Variants in GRM7 observed in about 807,000 individuals in gnomAD.
GRM7 encodes metabotropic glutamate receptor 7.
In GRM7, 35 loss-of-function variants were observed where a neutral mutation model predicts 84.5. That is an observed-to-expected ratio of 0.41 (90% CI 0.32 to 0.55). GRM7 has a LOEUF of 0.55. Among genes scored for constraint, GRM7 ranks in the 20% least tolerant of loss-of-function variants. GRM7 has a pLI of 0.19. For synonymous variants in GRM7, 487 were observed against 455.1 expected, an observed-to-expected ratio of 1.07 and a Z score of -0.89; for missense variants, 1,003 against 1,194.6, an observed-to-expected ratio of 0.84 and a Z score of 2.36.
At chr3:6,923,505 C>A (rs1179609742) in intron 1 of GRM7, among the ~76,000 whole-genome samples, 1 of 152,176 alleles carries the variant, frequency 6.6e-6, no homozygotes, top group African/African-American at 2.4e-5. Context: ...ATTGGATTAA[C>A]ATAGCAAATG....
intron 1 of GRM7, among the ~76,000 whole-genome samples, chr3:6,904,111 T>C (rs1195343134): frequency 6.6e-6 from 1 of 152,180 alleles, no homozygotes; most frequent in East Asian, 1.9e-4. Context: ...AATCTATAAT[T>C]TTAATGTAGC....
chr3:7,443,058 C>T (rs1697358123), intron 5 of GRM7, among the ~76,000 whole-genome samples: 1 of 150,982 alleles, frequency 6.6e-6, no homozygotes, highest in African/African-American at 2.4e-5. Flanking sequence ...TCTTTTTATT[C>T]TACTTCCTTC....
At chr3:7,667,765 T>C (rs1699759981) in intron 8 of GRM7, among the ~76,000 whole-genome samples, 1 of 151,946 alleles carries the variant, frequency 6.6e-6, no homozygotes, top group East Asian at 1.9e-4. Flanking sequence ...TAAAAATATT[T>C]ATTGATAATT....
intron 7 of GRM7, among the ~76,000 whole-genome samples, chr3:7,517,600 G>A (rs2124985895): frequency 6.6e-6 from 1 of 152,194 alleles, no homozygotes; most frequent in East Asian, 1.9e-4. Flanking sequence ...CACCATGTTG[G>A]CCAGGTTGGT....
At chr3:7,069,059 T>TATA (rs1697769988) in intron 1 of GRM7, among the ~76,000 whole-genome samples, 1 of 149,236 alleles carries the variant, frequency 6.7e-6, no homozygotes, top group Non-Finnish European at 1.5e-5. Context: ...ATACATAATT[T>TATA]TATATATATA....
At chr3:7,460,916 C>A (rs1698221309) in intron 6 of GRM7, among the ~76,000 whole-genome samples, 1 of 152,150 alleles carries the variant, frequency 6.6e-6, no homozygotes, top group Admixed American at 6.5e-5. Flanking sequence ...AAGTCTAATT[C>A]TGCCAGAATA....
intron 5 of GRM7, among the ~76,000 whole-genome samples, chr3:7,434,337 A>C (rs941931080): frequency 1.3e-5 from 2 of 152,192 alleles, no homozygotes; most frequent in African/African-American, 4.8e-5. Context: ...TATTGAGTAG[A>C]AGTAATAATG....
intron 1 of GRM7, among the ~76,000 whole-genome samples, chr3:6,892,140 T>A (rs1345663304): frequency 6.6e-6 from 1 of 152,122 alleles, no homozygotes; most frequent in African/African-American, 2.4e-5. Flanking sequence ...TCGTCTAAAT[T>A]TTTTTCTCTT....
chr3:7,682,767 T>A (rs895894640), intron 9 of GRM7, among the ~76,000 whole-genome samples: 1 of 152,218 alleles, frequency 6.6e-6, no homozygotes, highest in African/African-American at 2.4e-5. Context: ...GAGGCTTTTT[T>A]GGGTATGACA....
chr3:7,540,420 C>A (rs1428414927), intron 7 of GRM7, among the ~76,000 whole-genome samples: 1 of 152,134 alleles, frequency 6.6e-6, no homozygotes, highest in African/African-American at 2.4e-5. Context: ...TCCAATAATG[C>A]ATGCTTCAGT....
intron 2 of GRM7, among the ~76,000 whole-genome samples, chr3:7,152,967 TG>T (rs1275417919): frequency 6.6e-6 from 1 of 152,052 alleles, no homozygotes; most frequent in African/African-American, 2.4e-5. Context: ...CAAAAAAGGC[TG>T]GGGCGATGGA....
intron 1 of GRM7, among the ~76,000 whole-genome samples, chr3:7,089,703 C>T (rs1004566754): frequency 6.6e-6 from 1 of 152,042 alleles, no homozygotes; most frequent in African/African-American, 2.4e-5. Flanking sequence ...TCTTTGACAA[C>T]CTTACATTTT....
At chr3:7,552,679 A>G (rs1693540924) in intron 7 of GRM7, among the ~76,000 whole-genome samples, 1 of 152,194 alleles carries the variant, frequency 6.6e-6, no homozygotes, top group African/African-American at 2.4e-5. Context: ...CAGCAGTGTG[A>G]GTTGTACATT....
intron 1 of GRM7, among the ~76,000 whole-genome samples, chr3:7,013,515 A>C (rs958490619): frequency 1.3e-5 from 2 of 152,214 alleles, no homozygotes; most frequent in African/African-American, 4.8e-5. Context: ...TTTTTTAATT[A>C]TTAAATTTTT....
chr3:7,429,514 T>A (rs776405143), intron 5 of GRM7, among the ~76,000 whole-genome samples: 32 of 152,212 alleles, frequency 2.1e-4, no homozygotes, highest in Non-Finnish European at 4.1e-4. Flanking sequence ...TATAGATTTA[T>A]CTTTTTTATG....
intron 2 of GRM7, among the ~76,000 whole-genome samples, chr3:7,192,928 G>A (rs922551263): frequency 2.4e-4 from 37 of 152,084 alleles, no homozygotes; most frequent in African/African-American, 8.5e-4. Context: ...GGATCTATCC[G>A]AATTTTCTGA....
At chr3:6,990,335 G>A (rs904031530) in intron 1 of GRM7, among the ~76,000 whole-genome samples, 1 of 152,230 alleles carries the variant, frequency 6.6e-6, no homozygotes, top group Non-Finnish European at 1.5e-5. Flanking sequence ...TCTAATGGCA[G>A]TATTTCATGG....
chr3:6,945,629 A>C (rs1248546349), intron 1 of GRM7, among the ~76,000 whole-genome samples: 1 of 152,132 alleles, frequency 6.6e-6, no homozygotes, highest in African/African-American at 2.4e-5. Context: ...ATCCCTGAGG[A>C]ATCGCCACAC....
intron 1 of GRM7, among the ~76,000 whole-genome samples, chr3:7,060,373 T>C (rs183992252): frequency 1.3e-5 from 2 of 151,872 alleles, no homozygotes; most frequent in Non-Finnish European, 1.5e-5. Context: ...ATATGTCTAG[T>C]TTTCACTGAC....
Sources: gnomAD v4.1 joint callset for allele counts (sites outside exome capture counted in the v4.1 genomes callset) on GRCh38, gnomAD v4.1.1 for gene constraint, MANE v1.5 for transcripts, NCBI Gene and HGNC (gene_info 2026-07-23, HGNC 2026-07-21) for gene names.